FNIP2: variants seen among roughly 807,000 people sequenced by gnomAD.
FNIP2 encodes folliculin-interacting protein 2.
A neutral mutation model predicts 108.7 loss-of-function variants in FNIP2; 32 were observed. The observed-to-expected ratio is 0.29, with a 90% CI of 0.22 to 0.40. FNIP2 has a LOEUF of 0.40. Among genes scored for constraint, FNIP2 ranks in the 10% least tolerant of loss-of-function variants. FNIP2 has a pLI of 1.00. For missense variants in FNIP2, 1,202 were observed against 1,381.6 expected, an observed-to-expected ratio of 0.87 and a Z score of 2.06; for synonymous variants, 480 against 496.7, an observed-to-expected ratio of 0.97 and a Z score of 0.45.
intron 16 of FNIP2, among the ~76,000 whole-genome samples, chr4:158,897,651 T>C (rs1782811568): frequency 1.3e-5 from 2 of 152,252 alleles, no homozygotes; most frequent in Non-Finnish European, 2.9e-5. Context: ...TTTTGAGAAG[T>C]GTCTGTTCAT....
rs779975337 is a variant in FNIP2, at chr4:158,904,512, C to T, written c.3313C>T (p.His1105Tyr). ...LPLLTAIAST[H>Y]SPYVAQILL ...TCTGTTGACTGCTATTGCCAGTACT[C>T]ATTCTCCTTATGTGGCTCAAATACT... The change falls in exon 17 of 17, where the codon CAT becomes TAT. Residue 1105 changes from histidine to tyrosine, a missense_variant. His to Tyr is a moderately conservative substitution (Grantham distance 83). Transcript: ENST00000264433. The T allele has an allele frequency of 6.2e-6, 10 of 1,613,294 alleles. No individual in the cohort carries two copies. In the South Asian group the frequency reaches 1.1e-4, roughly 18 times the overall value.
intron 1 of FNIP2, among the ~76,000 whole-genome samples, chr4:158,801,775 G>A (rs1243429861): frequency 1.3e-5 from 2 of 152,138 alleles, no homozygotes; most frequent in East Asian, 1.9e-4. Context: ...CGCTGAGCTC[G>A]TCAGATGAGT....
intron 14 of FNIP2, among the ~76,000 whole-genome samples, chr4:158,883,895 A>G (rs1460066055): frequency 6.6e-6 from 1 of 151,652 alleles, no homozygotes; most frequent in East Asian, 1.9e-4. Flanking sequence ...AAAGTCGGAA[A>G]CACTTGTGAG....
chr4:158,791,415 C>G (rs925254414), intron 1 of FNIP2, among the ~76,000 whole-genome samples: 1 of 152,004 alleles, frequency 6.6e-6, no homozygotes, highest in Admixed American at 6.5e-5. Context: ...TCCTGAGTAG[C>G]TGGGATTACA....
intron 1 of FNIP2, among the ~76,000 whole-genome samples, chr4:158,808,973 C>A (rs557922427): frequency 6.6e-6 from 1 of 152,298 alleles, no homozygotes; most frequent in East Asian, 1.9e-4. Context: ...GTTCATGTAG[C>A]ATGACACATT....
chr4:158,789,784 C>T (rs1047130349), intron 1 of FNIP2, among the ~76,000 whole-genome samples: 5 of 150,332 alleles, frequency 3.3e-5, no homozygotes, highest in Admixed American at 6.7e-5. Context: ...TCTGAGTAAA[C>T]GCAATGAGAG....
At chr4:158,823,366 A>G (rs1245394999) in intron 1 of FNIP2, among the ~76,000 whole-genome samples, 2 of 152,126 alleles carry the variant, frequency 1.3e-5, no homozygotes, top group Admixed American at 6.5e-5. Context: ...CCCAAGTTCA[A>G]GCGATTCTCC....
At position 158,906,550 on chromosome 4, in the gene FNIP2, A is replaced by G. The variant is rs1008736957; in HGVS notation, c.*2006A>G. Reference sequence around the variant, plus strand: ...AAAAAAATTCAGCCCAGGCCCCTCAAAGCCTGAGAAAATTTAATTTGCTCT... The same window carrying G: ...AAAAAAATTCAGCCCAGGCCCCTCAGAGCCTGAGAAAATTTAATTTGCTCT... On this transcript the variant is annotated 3_prime_UTR_variant, in exon 17 of 17. Transcript: ENST00000264433. 9 of 152,236 alleles carry G rather than the reference A, an allele frequency of 5.9e-5. No homozygotes were observed. In the South Asian group the frequency reaches 8.3e-4, roughly 14 times the overall value. The allele number at this position is 152,236 out of a possible 1,614,324, so 9.4% of individuals were successfully genotyped here.
chr4:158,860,766 C>T (rs985622132), intron 10 of FNIP2, among the ~76,000 whole-genome samples: 25 of 151,312 alleles, frequency 1.7e-4, no homozygotes, highest in Admixed American at 4.6e-4. Context: ...AAGCGATTCT[C>T]CTGCCTCAGC....
chr4:158,813,087 T>C (rs940824428), intron 1 of FNIP2, among the ~76,000 whole-genome samples: 2 of 152,208 alleles, frequency 1.3e-5, no homozygotes, highest in Non-Finnish European at 2.9e-5. Context: ...TTTTTAGCAC[T>C]GAATAATATT....
chr4:158,829,308 G>A lies in FNIP2; in HGVS notation c.381+83G>A, dbSNP rs1252229840. 9.6e-6 allele frequency: 12 copies of A among 1,247,668 alleles called. No homozygotes were observed. In the East Asian group the frequency reaches 2.1e-4, roughly 22 times the overall value. The allele number at this position is 1,247,668 out of a possible 1,614,324, so 77.3% of individuals were successfully genotyped here. A position where few individuals can be genotyped will look rare whatever the true frequency, so the allele number is the denominator to read the frequency against. Reference sequence around the variant, plus strand: ...TCTCCTTGGGAAATAATGCCTGCTCGAGGGCTCTACTCCAGGAATATGAGG... The same window carrying A: ...TCTCCTTGGGAAATAATGCCTGCTCAAGGGCTCTACTCCAGGAATATGAGG... On this transcript the variant is annotated intron_variant, in intron 3 of 16. Coordinates refer to ENST00000264433, the MANE Select transcript of FNIP2 (RefSeq NM_020840.3).
At chr4:158,817,544 A>ATTTTTTC (rs1453204354) in intron 1 of FNIP2, among the ~76,000 whole-genome samples, 2 of 151,556 alleles carry the variant, frequency 1.3e-5, no homozygotes, top group African/African-American at 2.4e-5. Context: ...CCCATTTCCC[A>ATTTTTTC]TTTTTTCTTT....
At chr4:158,783,677 G>T (rs1776125384) in intron 1 of FNIP2, among the ~76,000 whole-genome samples, 1 of 152,096 alleles carries the variant, frequency 6.6e-6, no homozygotes, top group Non-Finnish European at 1.5e-5. Context: ...ACACAAATTA[G>T]TGAATTAGTG....
intron 1 of FNIP2, among the ~76,000 whole-genome samples, chr4:158,769,567 TC>T (rs771195000): frequency 1.3e-5 from 2 of 152,282 alleles, no homozygotes; most frequent in Non-Finnish European, 2.9e-5. Flanking sequence ...TCTCTTGTGT[TC>T]CTTGGGGTTC....
Position 158,891,491 on chromosome 4 carries a change from G to T in FNIP2, c.2995G>T (p.Ala999Ser), listed in dbSNP as rs778376794. The T allele has an allele frequency of 3.7e-6, 6 of 1,607,950 alleles. No individual in the cohort carries two copies. Among genetic ancestry groups the T allele is most frequent in the Non-Finnish European group, 5.1e-6 (6 of 1,177,102 alleles). ...EPIAEAVCII[A>S]DTDKWSVQVA... ...AATAGCTGAAGCTGTCTGTATTATCGCAGACACGGATAAATGGAGTGTGCA... is the reference window on the plus strand; with the variant it reads ...AATAGCTGAAGCTGTCTGTATTATCTCAGACACGGATAAATGGAGTGTGCA... The change falls in exon 15 of 17, where the codon GCA becomes TCA. Residue 999 changes from alanine to serine, a missense_variant. Transcript: ENST00000264433.
chr4:158,866,113 A>G (rs914988290), intron 12 of FNIP2, among the ~76,000 whole-genome samples: 10 of 150,084 alleles, frequency 6.7e-5, no homozygotes, highest in African/African-American at 2.5e-4. Flanking sequence ...TGCATTCCTC[A>G]GAGGGTTTCT....
intron 15 of FNIP2, among the ~76,000 whole-genome samples, chr4:158,894,527 A>G (rs569867688): frequency 8.5e-5 from 13 of 152,300 alleles, no homozygotes; most frequent in South Asian, 4.1e-4. Flanking sequence ...TATAGACCAC[A>G]GTTCTTATTT....
At chr4:158,786,830 A>AT (rs896459392) in intron 1 of FNIP2, among the ~76,000 whole-genome samples, 3 of 152,082 alleles carry the variant, frequency 2.0e-5, no homozygotes, top group Admixed American at 2.0e-4. Flanking sequence ...GTCCTTATGA[A>AT]TTTTTTGTGA....
rs1178224125 is a variant in FNIP2 at position 158,868,359 on chromosome 4, G to C, written c.1723G>C (p.Glu575Gln). ...GTATGTGGTCATTACGGTGAGGAAC[G>C]AGCCCGCTCTTGTACCCCCCATCCT... is the stretch of plus-strand genomic sequence containing the variant. ...SEYVVITVRN[E>Q]PALVPPILPP... The change falls in exon 13 of 17, where the codon GAG (glutamate) becomes CAG (glutamine). Residue 575 changes from glutamate to glutamine, a missense_variant. Transcript: ENST00000264433. This position sits in a 1 kb window ranked among gnomAD's most constrained non-coding sequence, Gnocchi z 4.6. 9.9e-6 allele frequency: 16 copies of C among 1,613,878 alleles called. No individual in the cohort carries two copies. The highest frequency in any genetic ancestry group is 2.7e-5 in the African/African-American group (2 of 74,918).
Sources: allele counts gnomAD v4.1 joint callset (sites outside exome capture counted in the v4.1 genomes callset), GRCh38; gene constraint gnomAD v4.1.1; non-coding constraint Gnocchi (gnomAD v3.1); transcripts MANE v1.5; gene names NCBI Gene and HGNC (gene_info 2026-07-23, HGNC 2026-07-21).